Variants in SOCS4 observed in about 807,000 individuals in gnomAD.
The protein encoded by SOCS4 is suppressor of cytokine signaling 4.
SOCS4 carries 20 observed loss-of-function variants against 34.1 expected under a neutral mutation model. The observed-to-expected ratio is 0.59, with a 90% CI of 0.41 to 0.85. The LOEUF is 0.85. SOCS4 is among the 40% of genes least tolerant of loss of function. SOCS4 has a pLI of 0.00. For missense variants in SOCS4, 479 were observed against 532.4 expected (o/e 0.90, Z 0.99); for synonymous variants, 180 against 186.4 (o/e 0.97, Z 0.28).
rs2042668358 is a variant in SOCS4, at chr14:55,045,594, A to AT, written c.*1233dup. The AT allele has an allele frequency of 6.0e-6, 1 of 166,876 alleles. No homozygotes were observed. The highest frequency in any genetic ancestry group is 2.4e-5 in the African/African-American group (1 of 41,450). The allele number at this position is 166,876 out of a possible 1,614,324, so 10.3% of individuals were successfully genotyped here. ...CTGGACAAAAGGGGTGATATTTTAA[A>AT]TTTACTATCCCAGAAACAGGGCAAC... is the stretch of plus-strand genomic sequence containing the variant. On this transcript the variant is annotated 3_prime_UTR_variant, in exon 3 of 3. Coordinates refer to ENST00000555846, the MANE Select transcript of SOCS4 (RefSeq NM_199421.2).
chr14:55,030,987 T>A (rs1442626138), intron 1 of SOCS4, among the ~76,000 whole-genome samples: 1 of 152,202 alleles, frequency 6.6e-6, no homozygotes. Flanking sequence ...CAAAATTGCT[T>A]GCTTTTAAAT....
chr14:55,048,817 C>G lies in SOCS4; in HGVS notation c.*4453C>G, dbSNP rs999130396. 6.0e-6 allele frequency: 1 copy of G among 167,016 alleles called. No homozygotes were observed. The highest frequency in any genetic ancestry group is 2.4e-5 in the African/African-American group (1 of 41,450). The allele number at this position is 167,016 out of a possible 1,614,324, so 10.3% of individuals were successfully genotyped here. A position where few individuals can be genotyped will look rare whatever the true frequency, so the allele number is the denominator to read the frequency against. Reference sequence around the variant, plus strand: ...GTAGGTGATACTTGTAACTCGACTTCCTGGAGTTAATTCTTCAGCAAGAGG... The same window carrying G: ...GTAGGTGATACTTGTAACTCGACTTGCTGGAGTTAATTCTTCAGCAAGAGG... On this transcript the variant is annotated 3_prime_UTR_variant, in exon 3 of 3. Transcript: ENST00000555846.
At chr14:55,033,582 AT>A (rs1334236716) in intron 2 of SOCS4, among the ~76,000 whole-genome samples, 52 of 152,346 alleles carry the variant, frequency 3.4e-4, no homozygotes, top group Non-Finnish European at 1.0e-4. Flanking sequence ...TTTTTAAAAA[AT>A]ATATCTATCT....
In SOCS4 at chr14:55,042,966, T is replaced by C. The variant is rs2042632593; in HGVS notation, c.-76T>C. On this transcript the variant is annotated 5_prime_UTR_variant, in exon 3 of 3. Coordinates refer to ENST00000555846, the MANE Select transcript of SOCS4 (RefSeq NM_199421.2). ...GTTTTCTTTAGATACATCCAGAAAGTGCCCAGAAGAAACTTCCTGCTGGAA... is the reference window on the plus strand; with the variant it reads ...GTTTTCTTTAGATACATCCAGAAAGCGCCCAGAAGAAACTTCCTGCTGGAA... The C allele has an allele frequency of 7.4e-7, 1 of 1,348,796 alleles. No homozygotes were observed. The highest frequency in any genetic ancestry group is 2.3e-5 in the Admixed American group (1 of 43,826). The allele number at this position is 1,348,796 out of a possible 1,614,324, so 83.6% of individuals were successfully genotyped here. A position where few individuals can be genotyped will look rare whatever the true frequency, so the allele number is the denominator to read the frequency against.
chr14:55,034,180 GA>G (rs2042552303), intron 2 of SOCS4, among the ~76,000 whole-genome samples: 2 of 152,092 alleles, frequency 1.3e-5, no homozygotes, highest in African/African-American at 4.8e-5. Flanking sequence ...AGTTAATAAA[GA>G]AATGGAGAGG....
chr14:55,037,172 T>C (rs564909695), intron 2 of SOCS4, among the ~76,000 whole-genome samples: 10 of 149,106 alleles, frequency 6.7e-5, no homozygotes, highest in African/African-American at 2.5e-4. Flanking sequence ...TGAGACAGAG[T>C]CTCACTCTGT....
intron 2 of SOCS4, among the ~76,000 whole-genome samples, chr14:55,039,440 A>G (rs1422267407): frequency 6.6e-6 from 1 of 152,208 alleles, no homozygotes. Context: ...TCTTAAAAAA[A>G]TAAAATGAAT....
chr14:55,029,563 A>T (rs1282530338), intron 1 of SOCS4, among the ~76,000 whole-genome samples: 1 of 152,198 alleles, frequency 6.6e-6, no homozygotes, highest in East Asian at 1.9e-4. Flanking sequence ...ATATAAAATC[A>T]TGTGATCTTA....
chr14:55,042,878 C>A, intron 2 of SOCS4, 74 bp from the exon 3 acceptor site: 1 of 621,976 alleles, frequency 1.6e-6, no homozygotes, highest in Non-Finnish European at 2.7e-6. Flanking sequence ...CCTCTTGTGT[C>A]TAATAGAAGC....
At chr14:55,036,346 CT>C (rs778430566) in intron 2 of SOCS4, among the ~76,000 whole-genome samples, 219 of 141,706 alleles carry the variant, frequency 1.5e-3, no homozygotes, top group Non-Finnish European at 1.9e-3. Context: ...ATTTTCTAAC[CT>C]TTTTTTTTTT....
chr14:55,040,626 C>A (rs901450529), intron 2 of SOCS4, among the ~76,000 whole-genome samples: 1 of 151,946 alleles, frequency 6.6e-6, no homozygotes, highest in Non-Finnish European at 1.5e-5. Flanking sequence ...CGCCTGTAGT[C>A]CCAGCTACTC....
rs1316564044 is a variant in SOCS4, at chr14:55,049,019, A to G, written c.*4655A>G. On this transcript the variant is annotated 3_prime_UTR_variant, in exon 3 of 3. Coordinates refer to ENST00000555846, the MANE Select transcript of SOCS4 (RefSeq NM_199421.2). Reference sequence around the variant, plus strand: ...AGAGATAGCAGTACAATTTGAATTTATGGTTTAGGCTCTGCAATTAGAGGA... The same window carrying G: ...AGAGATAGCAGTACAATTTGAATTTGTGGTTTAGGCTCTGCAATTAGAGGA... The G allele has an allele frequency of 6.0e-6, 1 of 166,874 alleles. No individual in the cohort carries two copies. The highest frequency in any genetic ancestry group is 2.4e-5 in the African/African-American group (1 of 41,466). 10.3% of individuals were successfully genotyped at this position (166,874 alleles called of 1,614,324 possible).
intron 2 of SOCS4, among the ~76,000 whole-genome samples, chr14:55,038,237 C>A (rs1407954293): frequency 6.6e-6 from 1 of 152,200 alleles, no homozygotes; most frequent in East Asian, 1.9e-4. Flanking sequence ...CCTGGCTGCA[C>A]CCTTGACACA....
intron 2 of SOCS4, among the ~76,000 whole-genome samples, chr14:55,036,689 G>A (rs530068765): frequency 3.9e-5 from 6 of 151,952 alleles, no homozygotes; most frequent in South Asian, 2.1e-4. Context: ...AATTTCTCCC[G>A]TCCATTTTGT....
At chr14:55,030,118 G>A (rs1019507664) in intron 1 of SOCS4, among the ~76,000 whole-genome samples, 4 of 151,984 alleles carry the variant, frequency 2.6e-5, no homozygotes, top group Non-Finnish European at 2.9e-5. Flanking sequence ...GTAGTCTACC[G>A]CACTGATTCT....
Position 55,043,869 on chromosome 14 carries a change from A to G in SOCS4, c.828A>G (p.Pro276=). 1 of 1,614,208 alleles carries G rather than the reference A, an allele frequency of 6.2e-7. No homozygotes were observed. The highest frequency in any genetic ancestry group is 8.5e-7 in the Non-Finnish European group (1 of 1,180,030). ...TTGATTATGTCCACTGTCTTGTACC[A>G]GACCTCCTTCAGATCAATAACAACC... ...TQIDYVHCLV[P]DLLQINNNPC... Residue 276 remains proline (P), a synonymous_variant, in exon 3 of 3, where the codon CCA becomes CCG. Transcript: ENST00000555846.
intron 1 of SOCS4, among the ~76,000 whole-genome samples, chr14:55,029,572 T>A (rs2042510009): frequency 6.6e-6 from 1 of 152,198 alleles, no homozygotes; most frequent in Non-Finnish European, 1.5e-5. Flanking sequence ...CATGTGATCT[T>A]ACAGGATTTA....
In SOCS4 at chr14:55,043,080, T is replaced by C. The variant is rs1456230416; in HGVS notation, c.39T>C (p.Asp13=). 1 of 1,612,390 alleles carries C rather than the reference T, an allele frequency of 6.2e-7. No homozygotes were observed. The highest frequency in any genetic ancestry group is 1.3e-5 in the African/African-American group (1 of 74,836). Residue 13 remains aspartate (D), a synonymous_variant, in exon 3 of 3, where the codon GAT becomes GAC. Transcript: ENST00000555846. ...ATGAAAATATTAGTAAAAATGTAGA[T>C]GTAAGGCCCAAAACTAGTCGGAGCA... is the stretch of plus-strand genomic sequence containing the variant. ...ENNENISKNV[D]VRPKTSRSRS...
At position 55,047,649 on chromosome 14, in the gene SOCS4, T is replaced by A. The variant is rs982071455; in HGVS notation, c.*3285T>A. ...ACTGTGGTCAAAGAATGGCTTTCAG[T>A]TAAAGTTTTGACTTCTTATTATAAA... On this transcript the variant is annotated 3_prime_UTR_variant, in exon 3 of 3. Coordinates refer to ENST00000555846, the MANE Select transcript of SOCS4 (RefSeq NM_199421.2). 6.0e-6 allele frequency: 1 copy of A among 167,108 alleles called. No individual in the cohort carries two copies. Among genetic ancestry groups the A allele is most frequent in the African/African-American group, 2.4e-5 (1 of 41,456 alleles). The allele number at this position is 167,108 out of a possible 1,614,324, so 10.4% of individuals were successfully genotyped here. A position where few individuals can be genotyped will look rare whatever the true frequency, so the allele number is the denominator to read the frequency against.
Sources: allele counts gnomAD v4.1 joint callset (sites outside exome capture counted in the v4.1 genomes callset), GRCh38; gene constraint gnomAD v4.1.1; transcripts MANE v1.5; gene names NCBI Gene and HGNC (gene_info 2026-07-23, HGNC 2026-07-21).